Variants in MCTP2 observed in about 807,000 individuals in gnomAD.
MCTP2 encodes the protein multiple C2 and transmembrane domain-containing protein 2.
A neutral mutation model predicts 111.6 loss-of-function variants in MCTP2; 132 were observed. That is an observed-to-expected ratio of 1.18 (90% CI 1.03 to 1.37). MCTP2 has a LOEUF of 1.37. Among genes scored for constraint, MCTP2 ranks in the 40% most tolerant of loss-of-function variants. MCTP2 has a pLI of 0.00. For missense variants in MCTP2, 1,183 were observed against 1,067.9 expected, an observed-to-expected ratio of 1.11 and a Z score of -1.50; for synonymous variants, 395 against 387.7, an observed-to-expected ratio of 1.02 and a Z score of -0.22.
At chr15:94,350,570 A>T (rs1014551333) in intron 8 of MCTP2, among the ~76,000 whole-genome samples, 31 of 123,104 alleles carry the variant, frequency 2.5e-4, no homozygotes, top group African/African-American at 1.2e-3. Context: ...ACTCCGTCTC[A>T]AAATAAAATA....
intron 1 of MCTP2, among the ~76,000 whole-genome samples, chr15:94,244,313 CAT>C (rs1447640032): frequency 1.5e-4 from 22 of 147,552 alleles, no homozygotes; most frequent in South Asian, 4.3e-4. Flanking sequence ...TTTATATACA[CAT>C]ATGTATACAC....
At chr15:94,289,851 A>G (rs113593405) in intron 1 of MCTP2, among the ~76,000 whole-genome samples, 15 of 152,316 alleles carry the variant, frequency 9.8e-5, no homozygotes, top group African/African-American at 1.7e-4. Flanking sequence ...TGTAGATGGG[A>G]TCTAACAGAC....
intron 10 of MCTP2, among the ~76,000 whole-genome samples, chr15:94,361,113 T>TTA (rs2078918589): frequency 2.1e-5 from 3 of 141,220 alleles, no homozygotes; most frequent in Admixed American, 2.1e-4. Context: ...TTTTTTTTTT[T>TTA]TTTTAACACA....
At chr15:94,413,929 A>G (rs1213828290) in intron 17 of MCTP2, among the ~76,000 whole-genome samples, 3 of 152,114 alleles carry the variant, frequency 2.0e-5, no homozygotes, top group Non-Finnish European at 2.9e-5. Flanking sequence ...GACTATATAT[A>G]TTCATTTATG....
chr15:94,258,028 C>T (rs930519059), intron 1 of MCTP2, among the ~76,000 whole-genome samples: 2 of 133,110 alleles, frequency 1.5e-5, no homozygotes, highest in African/African-American at 5.8e-5. Flanking sequence ...CACCTGCCAC[C>T]ATGTCATTTT....
chr15:94,284,236 A>G (rs1412950901), intron 1 of MCTP2, among the ~76,000 whole-genome samples: 5 of 152,306 alleles, frequency 3.3e-5, no homozygotes, highest in Middle Eastern at 3.4e-3. Flanking sequence ...TGCACACACT[A>G]TGAGTTATGT....
chr15:94,261,731 G>A (rs2073194507), intron 1 of MCTP2, among the ~76,000 whole-genome samples: 1 of 152,152 alleles, frequency 6.6e-6, no homozygotes. Context: ...ATTAGGTCAT[G>A]TTAATAAAAG....
intron 2 of MCTP2, among the ~76,000 whole-genome samples, chr15:94,305,576 G>C (rs1345308915): frequency 6.6e-6 from 1 of 152,128 alleles, no homozygotes; most frequent in African/African-American, 2.4e-5. Context: ...AGTCTCTCTT[G>C]TTAGAGTATA....
Position 94,479,290 on chromosome 15 carries a change from T to G in MCTP2, c.*256T>G. The G allele has an allele frequency of 2.0e-6, 1 of 503,720 alleles. No individual in the cohort carries two copies. Among genetic ancestry groups the G allele is most frequent in the Non-Finnish European group, 3.6e-6 (1 of 279,650 alleles). 31.2% of individuals were successfully genotyped at this position (503,720 alleles called of 1,614,324 possible). Reference sequence around the variant, plus strand: ...CAAGACTGTGAAAGACTAACATCCATTCTGAAATAGGAGATAACAAGGCTG... The same window carrying G: ...CAAGACTGTGAAAGACTAACATCCAGTCTGAAATAGGAGATAACAAGGCTG... On this transcript the variant is annotated 3_prime_UTR_variant, in exon 23 of 23. Coordinates refer to ENST00000357742, the MANE Select transcript of MCTP2 (RefSeq NM_001385001.1).
chr15:94,251,419 C>T (rs963324821), intron 1 of MCTP2, among the ~76,000 whole-genome samples: 26 of 151,202 alleles, frequency 1.7e-4, no homozygotes, highest in Non-Finnish European at 2.2e-4. Context: ...AGTGCAGTGG[C>T]GCGATCTCAG....
intron 4 of MCTP2, among the ~76,000 whole-genome samples, chr15:94,319,698 C>T (rs948326520): frequency 1.3e-5 from 2 of 152,158 alleles, no homozygotes; most frequent in Non-Finnish European, 2.9e-5. Context: ...ATTGTATTTT[C>T]CTGGGGCTTT....
intron 8 of MCTP2, among the ~76,000 whole-genome samples, chr15:94,350,380 G>A (rs1408384609): frequency 6.6e-6 from 1 of 152,178 alleles, no homozygotes; most frequent in Non-Finnish European, 1.5e-5. Flanking sequence ...TTGAGGTCAG[G>A]AGTTCAAGAC....
intron 20 of MCTP2, among the ~76,000 whole-genome samples, chr15:94,459,484 AT>A (rs2085054761): frequency 6.6e-6 from 1 of 152,154 alleles, no homozygotes; most frequent in African/African-American, 2.4e-5. Context: ...TAAGTTATAA[AT>A]GACTTTTAAA....
chr15:94,416,227 GT>G (rs1392184982), intron 17 of MCTP2, among the ~76,000 whole-genome samples: 2 of 152,080 alleles, frequency 1.3e-5, no homozygotes, highest in African/African-American at 4.8e-5. Flanking sequence ...ATTCAAGATG[GT>G]AGTCTGACTG....
chr15:94,476,313 G>A (rs375495800), intron 21 of MCTP2: 7 of 162,340 alleles, frequency 4.3e-5, no homozygotes, highest in Middle Eastern at 2.9e-3. Flanking sequence ...GTTAATCAGC[G>A]TATTCCAAAA....
At chr15:94,444,849 A>G (rs1440436196) in intron 19 of MCTP2, among the ~76,000 whole-genome samples, 2 of 152,234 alleles carry the variant, frequency 1.3e-5, no homozygotes, top group African/African-American at 2.4e-5. Context: ...AGCCTGTTTA[A>G]ATGAACCACC....
At chr15:94,283,994 T>C (rs976380370) in intron 1 of MCTP2, among the ~76,000 whole-genome samples, 1 of 152,218 alleles carries the variant, frequency 6.6e-6, no homozygotes, top group African/African-American at 2.4e-5. Flanking sequence ...CTTGCAATTA[T>C]AGGTGCAGGC....
At chr15:94,312,363 G>A (rs974100047) in intron 2 of MCTP2, among the ~76,000 whole-genome samples, 5 of 152,150 alleles carry the variant, frequency 3.3e-5, no homozygotes, top group Admixed American at 2.6e-4. Flanking sequence ...CTCACCTGGG[G>A]GTCCTTTTAT....
intron 17 of MCTP2, among the ~76,000 whole-genome samples, chr15:94,429,562 A>G (rs987528970): frequency 6.6e-6 from 1 of 152,328 alleles, no homozygotes; most frequent in Middle Eastern, 3.4e-3. Context: ...TCAAGAATAC[A>G]GCCATCTCCT....
Sources: gnomAD v4.1 joint callset for allele counts (sites outside exome capture counted in the v4.1 genomes callset) on GRCh38, gnomAD v4.1.1 for gene constraint, MANE v1.5 for transcripts, NCBI Gene and HGNC (gene_info 2026-07-23, HGNC 2026-07-21) for gene names.